The following KSR1 variants were observed in gnomAD, a reference collection of about 807,000 sequenced individuals.
The protein encoded by KSR1 is kinase suppressor of ras.
In KSR1, 35 loss-of-function variants were observed where a neutral mutation model predicts 92.9. That is an observed-to-expected ratio of 0.38 (90% CI 0.29 to 0.50). The LOEUF (loss-of-function observed/expected upper bound fraction) is 0.50. KSR1 is among the 20% of genes least tolerant of loss of function. KSR1 has a pLI of 0.94. For synonymous variants in KSR1, 467 were observed against 472.6 expected, an observed-to-expected ratio of 0.99 and a Z score of 0.15; for missense variants, 972 against 1,158.5, an observed-to-expected ratio of 0.84 and a Z score of 2.34.
chr17:27,626,178 A>G lies in KSR1; in HGVS notation c.*2786A>G, dbSNP rs1407621592. 6.6e-6 allele frequency: 1 copy of G among 152,250 alleles called. No individual in the cohort carries two copies. Among genetic ancestry groups the G allele is most frequent in the Non-Finnish European group, 1.5e-5 (1 of 68,050 alleles). 9.4% of individuals were successfully genotyped at this position (152,250 alleles called of 1,614,324 possible). On this transcript the variant is annotated 3_prime_UTR_variant, in exon 21 of 21. Transcript: ENST00000644974. ...CAGCAGTGTTAGCCAGGATCTCATCAGCGTGCAAACCTAGCATCTTCTGTG... is the reference window on the plus strand; with the variant it reads ...CAGCAGTGTTAGCCAGGATCTCATCGGCGTGCAAACCTAGCATCTTCTGTG...
chr17:27,480,559 A>G (rs912166105), intron 1 of KSR1, among the ~76,000 whole-genome samples: 4 of 152,018 alleles, frequency 2.6e-5, no homozygotes, highest in African/African-American at 9.7e-5. Context: ...CACCATGCCC[A>G]TCTGATTTTT....
At chr17:27,606,111 C>T (rs2073743864) in intron 14 of KSR1, among the ~76,000 whole-genome samples, 1 of 152,130 alleles carries the variant, frequency 6.6e-6, no homozygotes, top group Non-Finnish European at 1.5e-5. Context: ...GAGACGCTGT[C>T]TCTACAAAAA....
chr17:27,566,387 C>A (rs922839901), intron 2 of KSR1: 7 of 399,082 alleles, frequency 1.8e-5, no homozygotes, highest in African/African-American at 1.4e-4. Flanking sequence ...CTCTCCCTGC[C>A]TCCTTCTTCC....
chr17:27,601,961 AAGTC>A, intron 11 of KSR1: 3 of 1,596,546 alleles, frequency 1.9e-6, no homozygotes, highest in Non-Finnish European at 2.6e-6. Context: ...CGCTTTCAGT[AAGTC>A]AATACATTGA....
intron 1 of KSR1, chr17:27,526,237 G>A: frequency 1.8e-6 from 1 of 545,748 alleles, no homozygotes; most frequent in Non-Finnish European, 3.2e-6. Flanking sequence ...AAAGGGTGCA[G>A]CTGTTTCCCT....
intron 15 of KSR1, 96 bp downstream of exon 15, chr17:27,608,106 G>A: frequency 1.2e-6 from 1 of 854,596 alleles, no homozygotes; most frequent in Non-Finnish European, 1.9e-6. Flanking sequence ...AGGGTGGTTT[G>A]GGCAGCTTTG....
intron 2 of KSR1, among the ~76,000 whole-genome samples, chr17:27,554,772 T>G (rs2071529674): frequency 6.6e-6 from 1 of 152,204 alleles, no homozygotes; most frequent in African/African-American, 2.4e-5. Flanking sequence ...CTGGAAAAAT[T>G]ATCTTCCATG....
chr17:27,604,245 C>T (rs955184928), intron 12 of KSR1, among the ~76,000 whole-genome samples: 2 of 152,132 alleles, frequency 1.3e-5, no homozygotes, highest in African/African-American at 2.4e-5. Flanking sequence ...ACCCTCAGCG[C>T]GGTGGTAGGT....
intron 7 of KSR1, among the ~76,000 whole-genome samples, chr17:27,591,995 T>C (rs938462218): frequency 6.6e-6 from 1 of 152,182 alleles, no homozygotes; most frequent in Non-Finnish European, 1.5e-5. Context: ...ACATTATCTG[T>C]CTAATTCTTT....
intron 1 of KSR1, among the ~76,000 whole-genome samples, chr17:27,472,923 G>GT (rs1345227235): frequency 6.6e-6 from 1 of 152,204 alleles, no homozygotes; most frequent in Non-Finnish European, 1.5e-5. Context: ...ACCTGCCCAG[G>GT]TTTTTTGAGA....
At chr17:27,470,024 G>GTA (rs1755209523) in intron 1 of KSR1, among the ~76,000 whole-genome samples, 2 of 149,772 alleles carry the variant, frequency 1.3e-5, no homozygotes, top group Non-Finnish European at 3.0e-5. Context: ...GTGTGTGTGT[G>GTA]TGTGTGTGTG....
chr17:27,623,258 C>G, intron 20 of KSR1, 56 bp from the exon 21 acceptor site: 2 of 736,874 alleles, frequency 2.7e-6, no homozygotes, highest in Non-Finnish European at 5.0e-6. Flanking sequence ...TAGTGTTACC[C>G]TAATTCTGAT....
At chr17:27,605,893 C>A in intron 14 of KSR1, 80 bp downstream of exon 14, 1 of 1,552,630 alleles carries the variant, frequency 6.4e-7, no homozygotes, top group East Asian at 2.3e-5. Flanking sequence ...TGTGGATGCC[C>A]TAGAGGGTGT....
At position 27,502,332 on chromosome 17, in the gene KSR1, G is replaced by A. The variant is rs187124019; in HGVS notation, c.231+45458G>A. On this transcript the variant is annotated intron_variant, in intron 1 of 20. Coordinates refer to ENST00000644974, the MANE Select transcript of KSR1 (RefSeq NM_001394583.1). ...GACAAGGTGGCTGTCCATCAACACC[G>A]CAAGAGGAATCCCCCAGTGGGTGGA... 3.3e-4 allele frequency among the ~76,000 whole-genome samples: 51 copies of A among 152,326 alleles called. No homozygotes were observed. In the Middle Eastern group the frequency reaches 0.01, roughly 30 times the overall value.
intron 1 of KSR1, among the ~76,000 whole-genome samples, chr17:27,512,155 ACTT>A (rs2069624386): frequency 6.6e-6 from 1 of 152,078 alleles, no homozygotes; most frequent in African/African-American, 2.4e-5. Context: ...CCCTGTAGTG[ACTT>A]CTTTGTTGCT....
At chr17:27,602,282 A>G (rs776342887) in intron 11 of KSR1, among the ~76,000 whole-genome samples, 3 of 152,202 alleles carry the variant, frequency 2.0e-5, no homozygotes, top group Non-Finnish European at 2.9e-5. Flanking sequence ...GGCAGCAGTC[A>G]GGGCCCTGAG....
chr17:27,593,844 G>A (rs1336023846), intron 9 of KSR1, among the ~76,000 whole-genome samples: 3 of 152,240 alleles, frequency 2.0e-5, no homozygotes, highest in African/African-American at 7.2e-5. Context: ...CAAGGTGCCA[G>A]TAGGCTCGAT....
Position 27,456,563 on chromosome 17 carries a change from T to A in KSR1, c.-81T>A, listed in dbSNP as rs1382510615. The A allele has an allele frequency of 2.0e-5, 9 of 442,326 alleles. No homozygotes were observed. The East Asian group carries it at 3.4e-4, about 17-fold the overall frequency. The allele number at this position is 442,326 out of a possible 1,614,324, so 27.4% of individuals were successfully genotyped here. ...CGCCGAGGGGCGCTCCTGGTCCAGC[T>A]CTCCTGGCTCGGGGGTTCCTTGCCG... On this transcript the variant is annotated 5_prime_UTR_variant, in exon 1 of 21. Transcript: ENST00000644974.
At chr17:27,537,559 C>T (rs1301049820) in intron 1 of KSR1, among the ~76,000 whole-genome samples, 6 of 152,164 alleles carry the variant, frequency 3.9e-5, no homozygotes, top group Middle Eastern at 3.4e-3. Context: ...AGCGTGGTGG[C>T]GGGCACCTGT....
Sources: gnomAD v4.1 joint callset for allele counts (sites outside exome capture counted in the v4.1 genomes callset) on GRCh38, gnomAD v4.1.1 for gene constraint, MANE v1.5 for transcripts, NCBI Gene and HGNC (gene_info 2026-07-23, HGNC 2026-07-21) for gene names.